The following MTR variants were observed in gnomAD, a reference collection of about 807,000 sequenced individuals.
The protein encoded by MTR is 5-methyltetrahydrofolate-homocysteine methyltransferase, also known as methionine synthase.
In MTR, 84 loss-of-function variants were observed where a neutral mutation model predicts 154.8. The ratio of observed to expected loss-of-function variants is 0.54; its 90% CI spans 0.45 to 0.65. The LOEUF (loss-of-function observed/expected upper bound fraction) is 0.65, where lower values mean the gene tolerates loss of function less well. Among genes scored for constraint, MTR ranks in the 30% least tolerant of loss-of-function variants. MTR has a pLI of 0.00. For synonymous variants in MTR, 554 were observed against 553.9 expected, an observed-to-expected ratio of 1.00 and a Z score of 0.00; for missense variants, 1,275 against 1,570.2, an observed-to-expected ratio of 0.81 and a Z score of 3.18.
chr1:236,833,647 C>T (rs552083603), intron 13 of MTR, among the ~76,000 whole-genome samples: 2 of 152,288 alleles, frequency 1.3e-5, no homozygotes, highest in Admixed American at 6.5e-5. Context: ...GAGTCTAGCT[C>T]TTATGACTTA....
chr1:236,895,569 C>A lies in MTR; in HGVS notation c.3598+19C>A. 1.3e-6 allele frequency: 2 copies of A among 1,555,674 alleles called. No individual in the cohort carries two copies. Among genetic ancestry groups the A allele is most frequent in the South Asian group, 1.2e-5 (1 of 84,332 alleles). On this transcript the variant is annotated intron_variant, in intron 31 of 32. Transcript: ENST00000366577. ...TCTACAGGTAGGAGCCAGGAGGCTG[C>A]GGGTTCCTGTCTTCCTTCTTCAGTA... is the stretch of plus-strand genomic sequence containing the variant.
rs1174471617 is a variant in MTR at position 236,898,365 on chromosome 1, T to C, written c.*721T>C. The C allele has an allele frequency of 6.6e-6, 1 of 150,466 alleles. No homozygotes were observed. The highest frequency in any genetic ancestry group is 1.5e-5 in the Non-Finnish European group (1 of 67,896). 9.3% of individuals were successfully genotyped at this position (150,466 alleles called of 1,614,324 possible). The stretch of plus-strand genomic sequence containing the variant: ...GGAAATGAGGAGAGAAAGTTACTGT[T>C]AAGGGTGGTTAACATTTTTTTTGTT... On this transcript the variant is annotated 3_prime_UTR_variant, in exon 33 of 33. Transcript: ENST00000366577.
At position 236,899,906 on chromosome 1, in the gene MTR, T is replaced by G. The variant is rs931124074; in HGVS notation, c.*2262T>G. 1 of 156,182 alleles carries G rather than the reference T, an allele frequency of 6.4e-6. No homozygotes were observed. Among genetic ancestry groups the G allele is most frequent in the Non-Finnish European group, 1.4e-5 (1 of 69,846 alleles). The allele number at this position is 156,182 out of a possible 1,614,324, so 9.7% of individuals were successfully genotyped here. ...GAGATTCCATTTTATATCCATAAGA[T>G]TTGCAAAGGTTGGGTCTGACAGTAC... is the stretch of plus-strand genomic sequence containing the variant. On this transcript the variant is annotated 3_prime_UTR_variant, in exon 33 of 33. Transcript: ENST00000366577.
At chr1:236,829,680 T>C (rs923722601) in intron 12 of MTR, among the ~76,000 whole-genome samples, 1 of 152,222 alleles carries the variant, frequency 6.6e-6, no homozygotes, top group African/African-American at 2.4e-5. Context: ...AAATTGTTTC[T>C]AAAATATTCT....
chr1:236,854,876 C>T (rs1664114315), intron 18 of MTR, among the ~76,000 whole-genome samples: 1 of 152,196 alleles, frequency 6.6e-6, no homozygotes, highest in African/African-American at 2.4e-5. Flanking sequence ...GAGGCACTGT[C>T]AAAGTGAGGG....
At chr1:236,886,185 C>G in intron 26 of MTR, 107 bp from the exon 27 acceptor site, 1 of 861,806 alleles carries the variant, frequency 1.2e-6, no homozygotes, top group South Asian at 1.4e-5. Context: ...TGAATAAGAG[C>G]ATTTGCTTTC....
At chr1:236,872,652 C>G (rs773252771) in intron 22 of MTR, among the ~76,000 whole-genome samples, 7 of 152,002 alleles carry the variant, frequency 4.6e-5, no homozygotes, top group Non-Finnish European at 8.8e-5. Flanking sequence ...AAAATGAGAC[C>G]CATAGTAGTG....
chr1:236,827,506 T>TA (rs1407828846), intron 11 of MTR, among the ~76,000 whole-genome samples: 1 of 152,258 alleles, frequency 6.6e-6, no homozygotes, highest in Non-Finnish European at 1.5e-5. Context: ...TCCCAGATAT[T>TA]ATGATATTCT....
intron 30 of MTR, 84 bp from the exon 31 acceptor site, chr1:236,895,274 G>T: frequency 6.9e-7 from 1 of 1,447,462 alleles, no homozygotes; most frequent in Non-Finnish European, 9.5e-7. Flanking sequence ...GTGTCCTCAT[G>T]GTTCTAATTC....
At chr1:236,889,450 C>CTTTCT (rs1488303917) in intron 28 of MTR, 114 bp downstream of exon 28, 2 of 1,424,228 alleles carry the variant, frequency 1.4e-6, no homozygotes, top group African/African-American at 2.8e-5. Context: ...ATTACGGCTG[C>CTTTCT]TTTCATATTG....
rs751883876 is a variant in MTR, at chr1:236,795,752, C to T, written c.34+15C>T. 1.9e-6 allele frequency: 3 copies of T among 1,614,150 alleles called. No homozygotes were observed. The highest frequency in any genetic ancestry group is 2.2e-5 in the South Asian group (2 of 91,084). On this transcript the variant is annotated intron_variant, in intron 1 of 32. Transcript: ENST00000366577. ...GTCGCAACCCGGTAACGCTGCGACCCCGTCTGCGTGGTTGGGTTGTGTTTC... is the reference window on the plus strand; with the variant it reads ...GTCGCAACCCGGTAACGCTGCGACCTCGTCTGCGTGGTTGGGTTGTGTTTC...
intron 16 of MTR, 114 bp downstream of exon 16, chr1:236,850,637 G>T: frequency 9.5e-7 from 1 of 1,053,450 alleles, no homozygotes; most frequent in Non-Finnish European, 1.4e-6. Flanking sequence ...AACATTCTTA[G>T]TTAGTAAATT....
At chr1:236,827,805 T>C (rs957385374) in intron 11 of MTR, among the ~76,000 whole-genome samples, 14 of 152,162 alleles carry the variant, frequency 9.2e-5, no homozygotes, top group Admixed American at 8.5e-4. Context: ...AAATGGAACA[T>C]TGTTTAGGAC....
At position 236,879,453 on chromosome 1, in the gene MTR, G is replaced by A. The variant is rs186506644; in HGVS notation, c.2595-1302G>A. Among the ~76,000 whole-genome samples the A allele has an allele frequency of 6.6e-5, 10 of 152,314 alleles. No homozygotes were observed. In the East Asian group the frequency reaches 1.4e-3, roughly 21 times the overall value. The stretch of plus-strand genomic sequence containing the variant: ...CCAAACATATGTTTTTGTCGAGGGG[G>A]AAGAATATGAAAGCACTTGAGGAAG... On this transcript the variant is annotated intron_variant, in intron 24 of 32. Transcript: ENST00000366577.
intron 14 of MTR, among the ~76,000 whole-genome samples, chr1:236,837,186 C>T (rs1028441412): frequency 6.6e-6 from 1 of 152,204 alleles, no homozygotes; most frequent in African/African-American, 2.4e-5. Context: ...ATACACTGGC[C>T]TGGTGTTGTC....
chr1:236,897,239 T>A, intron 32 of MTR, 121 bp downstream of exon 32: 1 of 842,108 alleles, frequency 1.2e-6, no homozygotes, highest in Non-Finnish European at 2.0e-6. Flanking sequence ...TTACTCCAGT[T>A]AATGTCTTAA....
chr1:236,861,333 T>G, intron 20 of MTR, 56 bp downstream of exon 20: 1 of 1,611,688 alleles, frequency 6.2e-7, no homozygotes, highest in Non-Finnish European at 8.5e-7. Flanking sequence ...TGTCATTTAA[T>G]AAATGGCGAT....
intron 22 of MTR, among the ~76,000 whole-genome samples, chr1:236,867,678 G>A (rs569553239): frequency 6.6e-6 from 1 of 152,292 alleles, no homozygotes; most frequent in East Asian, 1.9e-4. Context: ...ATGGGAGGAG[G>A]TCAAAATATC....
At chr1:236,889,592 A>C (rs1353291757) in intron 28 of MTR, among the ~76,000 whole-genome samples, 1 of 152,206 alleles carries the variant, frequency 6.6e-6, no homozygotes, top group African/African-American at 2.4e-5. Context: ...CACTAGGGAT[A>C]AATGGAAGAC....
Sources: gnomAD v4.1 joint callset for allele counts (sites outside exome capture counted in the v4.1 genomes callset) on GRCh38, gnomAD v4.1.1 for gene constraint, MANE v1.5 for transcripts, NCBI Gene and HGNC (gene_info 2026-07-23, HGNC 2026-07-21) for gene names.